DMD: variants seen among roughly 807,000 people sequenced by gnomAD.
DMD encodes mutant dystrophin.
A neutral mutation model predicts 330.1 loss-of-function variants in DMD; 63 were observed. That is an observed-to-expected ratio of 0.19 (90% confidence interval 0.16 to 0.24). The LOEUF is 0.24. Ranked by LOEUF, DMD falls within the 10% of genes least tolerant of loss-of-function variation. The pLI, the probability that DMD is intolerant of heterozygous loss-of-function variation, is 1.00. For missense variants in DMD, 3,344 were observed against 2,684.1 expected (o/e 1.25, Z -5.43); for synonymous variants, 1,223 against 959.8 (o/e 1.27, Z -5.07).
At chrX:32,643,789 G>T in intron 11 of DMD, among the ~76,000 whole-genome samples, 1 of 111,520 alleles carries the variant, frequency 9.0e-6, no homozygotes, top group Non-Finnish European at 1.9e-5. Flanking sequence ...GCTAATAGGT[G>T]ATTTTATGTA....
chrX:32,132,300 G>C (rs899122420), intron 44 of DMD, among the ~76,000 whole-genome samples: 1 of 111,743 alleles, frequency 8.9e-6, no homozygotes, highest in Non-Finnish European at 1.9e-5. Context: ...AATTACTTCA[G>C]ATGCCTTGAA....
intron 2 of DMD, among the ~76,000 whole-genome samples, chrX:32,939,909 C>A (rs1031658444): frequency 1.5e-4 from 17 of 111,567 alleles, no homozygotes; most frequent in African/African-American, 4.9e-4. Flanking sequence ...ACTTTCCATA[C>A]TCATGGATTA....
rs2096824150 is a variant in DMD, at chrX:32,155,076, TA to T, written c.6438+61839del. ...CCTTGCTGTGTTTTTTTTTTTTTTT[TA>T]ATTTCCCCTAGAATGAATATGGTTT... is the stretch of plus-strand genomic sequence containing the variant. On this transcript the variant is annotated intron_variant, in intron 44 of 78. Transcript: ENST00000357033. Among the ~76,000 whole-genome samples the T allele has an allele frequency of 2.8e-5, 3 of 108,785 alleles. No individual in the cohort carries two copies. In the Admixed American group the frequency reaches 3.0e-4, roughly 11 times the overall value. 94.5% of individuals were successfully genotyped at this position (108,785 alleles called of 115,157 possible).
intron 78 of DMD, among the ~76,000 whole-genome samples, chrX:31,124,301 C>A (rs1164850656): frequency 4.5e-5 from 5 of 111,913 alleles, no homozygotes; most frequent in Non-Finnish European, 7.5e-5. Flanking sequence ...TAATTTCTTT[C>A]CATGGAGTTT....
At position 31,219,978 on chromosome X, in the gene DMD, C is replaced by T. The variant is rs139686258; in HGVS notation, c.9361+3069G>A. 5.0e-3 allele frequency among the ~76,000 whole-genome samples: 558 copies of T among 111,279 alleles called. 2 individuals are homozygous for T. The highest frequency in any genetic ancestry group is 0.017 in the African/African-American group (524 of 30,574). ...TACTGTATCTTTCTATGTTTAAATACGTTTCGATACACAATACTTACTATT... is the reference window on the plus strand; with the variant it reads ...TACTGTATCTTTCTATGTTTAAATATGTTTCGATACACAATACTTACTATT... On this transcript the variant is annotated intron_variant, in intron 64 of 78. Transcript: ENST00000357033.
At chrX:31,323,217 C>T (rs1055049182) in intron 62 of DMD, among the ~76,000 whole-genome samples, 1 of 111,598 alleles carries the variant, frequency 9.0e-6, no homozygotes, top group Admixed American at 9.5e-5. Context: ...CATATAACTG[C>T]GGAAATCTTC....
intron 44 of DMD, among the ~76,000 whole-genome samples, chrX:31,979,446 A>T (rs759857281): frequency 5.3e-5 from 6 of 112,208 alleles, no homozygotes; most frequent in Non-Finnish European, 1.1e-4. Flanking sequence ...TATGCTCATC[A>T]GTTAATTTGT....
At chrX:33,191,613 G>A (rs1019228475) in intron 1 of DMD, among the ~76,000 whole-genome samples, 4 of 110,803 alleles carry the variant, frequency 3.6e-5, no homozygotes, top group African/African-American at 9.9e-5. Flanking sequence ...TAGTAGAGAC[G>A]GGGTTACACC....
chrX:31,626,582 G>A (rs1246777460), intron 55 of DMD, among the ~76,000 whole-genome samples: 1 of 111,014 alleles, frequency 9.0e-6, no homozygotes, highest in Non-Finnish European at 1.9e-5. Context: ...GGATGATGAA[G>A]CAAGAACGAT....
At chrX:32,315,105 A>G (rs1017400858) in intron 41 of DMD, among the ~76,000 whole-genome samples, 5 of 112,006 alleles carry the variant, frequency 4.5e-5, no homozygotes, top group African/African-American at 1.3e-4. Context: ...TTATTGCAGC[A>G]CTGTTCACAA....
chrX:33,104,910 T>A (rs2095272735), intron 1 of DMD, among the ~76,000 whole-genome samples: 1 of 112,299 alleles, frequency 8.9e-6, no homozygotes, highest in Non-Finnish European at 1.9e-5. Flanking sequence ...CAAAAGTGAA[T>A]CTCCTTGTAA....
intron 2 of DMD, among the ~76,000 whole-genome samples, chrX:32,893,602 A>G (rs1320955176): frequency 8.9e-6 from 1 of 112,039 alleles, no homozygotes; most frequent in Non-Finnish European, 1.9e-5. Flanking sequence ...CAGTGGGGTT[A>G]TTAAGCAAAG....
At position 31,314,520 on chromosome X, in the gene DMD, C is replaced by T. The variant is rs113500503; in HGVS notation, c.9224+9078G>A. On this transcript the variant is annotated intron_variant, in intron 62 of 78. Transcript: ENST00000357033. ...GAAGAGCAGCGAGGCTTTTCAGTTT[C>T]ATCCCCCCAGGAGTTAATGGTATCA... Among the ~76,000 whole-genome samples the T allele has an allele frequency of 2.5e-3, 283 of 111,418 alleles. 2 individuals are homozygous for T. Among genetic ancestry groups the T allele is most frequent in the African/African-American group, 8.9e-3 (274 of 30,633 alleles).
At chrX:32,735,745 C>T (rs1354145377) in intron 7 of DMD, among the ~76,000 whole-genome samples, 2 of 112,033 alleles carry the variant, frequency 1.8e-5, no homozygotes, top group African/African-American at 3.3e-5. Flanking sequence ...CCCTTCCTCA[C>T]ACCTTATACA....
intron 30 of DMD, among the ~76,000 whole-genome samples, chrX:32,395,213 T>G (rs1314622861): frequency 9.0e-6 from 1 of 111,689 alleles, no homozygotes; most frequent in Non-Finnish European, 1.9e-5. Context: ...AATTTAATCT[T>G]ATTCGTATGT....
chrX:31,138,183 T>A (rs1207559814), intron 76 of DMD, among the ~76,000 whole-genome samples: 1 of 111,681 alleles, frequency 9.0e-6, no homozygotes, highest in East Asian at 2.8e-4. Flanking sequence ...CCCAGGTAGC[T>A]TGCTAGCCCA....
chrX:32,873,883 A>G (rs1043193729), intron 2 of DMD, among the ~76,000 whole-genome samples: 2 of 112,299 alleles, frequency 1.8e-5, no homozygotes, highest in African/African-American at 6.5e-5. Context: ...AAGAACAGGA[A>G]CCTAACAAGT....
intron 54 of DMD, among the ~76,000 whole-genome samples, chrX:31,638,149 G>A (rs193089138): frequency 8.9e-6 from 1 of 111,768 alleles, no homozygotes; most frequent in East Asian, 2.8e-4. Context: ...TAAAGAAATA[G>A]ACAGCATACA....
At chrX:32,902,264 C>T (rs941520494) in intron 2 of DMD, among the ~76,000 whole-genome samples, 4 of 108,263 alleles carry the variant, frequency 3.7e-5, no homozygotes, top group African/African-American at 6.9e-5. Flanking sequence ...TGTAAATGTT[C>T]GAGTGGTCAC....
Sources: gnomAD v4.1 joint callset for allele counts (sites outside exome capture counted in the v4.1 genomes callset) on GRCh38, gnomAD v4.1.1 for gene constraint, MANE v1.5 for transcripts, NCBI Gene and HGNC (gene_info 2026-07-23, HGNC 2026-07-21) for gene names.